CRAMP1: variants seen among roughly 807,000 people sequenced by gnomAD.
The protein encoded by CRAMP1 is cramped chromatin regulator 1.
A neutral mutation model predicts 115.4 loss-of-function variants in CRAMP1; 50 were observed. The ratio of observed to expected loss-of-function variants is 0.43; its 90% CI spans 0.35 to 0.55. CRAMP1 has a LOEUF of 0.55. Among genes scored for constraint, CRAMP1 ranks in the 20% least tolerant of loss-of-function variants. The pLI is 0.01. For missense variants in CRAMP1, 1,679 were observed against 1,721.7 expected, an observed-to-expected ratio of 0.98 and a Z score of 0.44; for synonymous variants, 866 against 745.4, an observed-to-expected ratio of 1.16 and a Z score of -2.64.
intron 6 of CRAMP1, among the ~76,000 whole-genome samples, chr16:1,641,647 A>T (rs1464653447): frequency 6.6e-6 from 1 of 151,788 alleles, no homozygotes; most frequent in Non-Finnish European, 1.5e-5. Flanking sequence ...CTCCCCTCAC[A>T]CACCTGACTC....
intron 6 of CRAMP1, 122 bp from the exon 7 acceptor site, chr16:1,652,374 A>G (rs2036731665): frequency 9.3e-6 from 7 of 749,922 alleles, no homozygotes; most frequent in Non-Finnish European, 1.5e-5. Flanking sequence ...CGGGCTCGAG[A>G]GGCTGGGGTG....
Position 1,656,302 on chromosome 16 carries a change from G to A in CRAMP1, c.1545G>A (p.Arg515=), listed in dbSNP as rs777765671. 1 of 1,611,948 alleles carries A rather than the reference G, an allele frequency of 6.2e-7. No individual in the cohort carries two copies. Among genetic ancestry groups the A allele is most frequent in the Non-Finnish European group, 8.5e-7 (1 of 1,179,614 alleles). ...ACGCTCCTGACAGGCCTCCTCCCAG[G>A]CACCAGGACACTGGGCCATGTCTTG... is the stretch of plus-strand genomic sequence containing the variant. The part of the protein sequence containing the change: ...SPDAPDRPPP[R]HQDTGPCLEK... The change falls in exon 10 of 21, where the codon AGG becomes AGA. Residue 515 remains arginine (R), a synonymous_variant. Transcript: ENST00000397412. The surrounding 1 kb of genome is among the most constrained non-coding windows in gnomAD (Gnocchi z 5.6).
At position 1,674,306 on chromosome 16, in the gene CRAMP1, G is replaced by T; in HGVS notation, c.*261G>T. 1 of 506,624 alleles carries T rather than the reference G, an allele frequency of 2.0e-6. No homozygotes were observed. Among genetic ancestry groups the T allele is most frequent in the East Asian group, 3.4e-5 (1 of 29,274 alleles). 31.4% of individuals were successfully genotyped at this position (506,624 alleles called of 1,614,324 possible). On this transcript the variant is annotated 3_prime_UTR_variant, in exon 21 of 21. Coordinates refer to ENST00000397412, the MANE Select transcript of CRAMP1 (RefSeq NM_020825.4). ...TTCACCACGCCTGGGCCCATGTTAG[G>T]GTCTGCATAATGATCCCATTTCAGC...
At chr16:1,668,610 CTGGCGCGACCCA>C (rs1411554917) in intron 18 of CRAMP1, among the ~76,000 whole-genome samples, 1 of 152,250 alleles carries the variant, frequency 6.6e-6, no homozygotes, top group Non-Finnish European at 1.5e-5. Context: ...TTGTTGTTCA[CTGGCGCGACCCA>C]GGCTGTGGGC....
intron 2 of CRAMP1, chr16:1,620,682 G>T (rs551481319): frequency 2.2e-6 from 1 of 456,728 alleles, no homozygotes; most frequent in South Asian, 1.5e-5. Flanking sequence ...TATTAGCCGC[G>T]TGCCTTTCGG....
intron 4 of CRAMP1, among the ~76,000 whole-genome samples, chr16:1,635,087 T>C (rs956878551): frequency 2.6e-5 from 4 of 152,062 alleles, no homozygotes; most frequent in African/African-American, 9.7e-5. Flanking sequence ...TTAGGAGAGA[T>C]GAGGTTTCAC....
At chr16:1,624,879 G>T (rs762274805) in intron 2 of CRAMP1, among the ~76,000 whole-genome samples, 5 of 152,050 alleles carry the variant, frequency 3.3e-5, no homozygotes, top group Non-Finnish European at 7.4e-5. Context: ...ACTGCACCTG[G>T]CCACGCCTGG....
intron 13 of CRAMP1, among the ~76,000 whole-genome samples, chr16:1,664,232 A>G (rs942707274): frequency 6.6e-6 from 1 of 152,214 alleles, no homozygotes; most frequent in African/African-American, 2.4e-5. Context: ...ACGGTTTCTC[A>G]GATGGTAGTC....
In CRAMP1 at chr16:1,674,312, C is replaced by A; in HGVS notation, c.*267C>A. ...ACGCCTGGGCCCATGTTAGGGTCTG[C>A]ATAATGATCCCATTTCAGCCTGTGC... On this transcript the variant is annotated 3_prime_UTR_variant, in exon 21 of 21. Coordinates refer to ENST00000397412, the MANE Select transcript of CRAMP1 (RefSeq NM_020825.4). 1 of 485,558 alleles carries A rather than the reference C, an allele frequency of 2.1e-6. No individual in the cohort carries two copies. Among genetic ancestry groups the A allele is most frequent in the East Asian group, 3.6e-5 (1 of 27,754 alleles). 30.1% of individuals were successfully genotyped at this position (485,558 alleles called of 1,614,324 possible). A position where few individuals can be genotyped will look rare whatever the true frequency, so the allele number is the denominator to read the frequency against.
chr16:1,653,776 G>A (rs1347655114), intron 8 of CRAMP1, among the ~76,000 whole-genome samples: 5 of 148,260 alleles, frequency 3.4e-5, no homozygotes, highest in African/African-American at 1.3e-4. Context: ...AGCCGAGATC[G>A]CGCCACTGCA....
At chr16:1,654,298 G>A (rs1480517679) in intron 8 of CRAMP1, among the ~76,000 whole-genome samples, 3 of 149,876 alleles carry the variant, frequency 2.0e-5, no homozygotes, top group African/African-American at 7.4e-5. Flanking sequence ...TGCAACCTCC[G>A]TCTCCCACGT....
At chr16:1,639,169 C>T (rs1268700060) in intron 5 of CRAMP1, among the ~76,000 whole-genome samples, 2 of 152,232 alleles carry the variant, frequency 1.3e-5, no homozygotes, top group East Asian at 3.9e-4. Context: ...GGTCCTTTTG[C>T]ACCACTGCTT....
At chr16:1,625,830 TG>T in intron 2 of CRAMP1, 142 bp from the exon 3 acceptor site, 1 of 755,754 alleles carries the variant, frequency 1.3e-6, no homozygotes. Context: ...CCGTGGGTCC[TG>T]GGTGCTGCCT....
chr16:1,669,019 C>G lies in CRAMP1; in HGVS notation c.3353C>G (p.Ser1118Cys). The change falls in exon 19 of 21, where the codon TCT becomes TGT. Residue 1118 changes from serine to cysteine, a missense_variant. Transcript: ENST00000397412. This position sits in a 1 kb window ranked among gnomAD's most constrained non-coding sequence, Gnocchi z 4.6. ...TTGGCAGGTGAAGGAGTCCCTCTTT[C>G]TCCAGCAAAACTGAATGGCAGTGAC... is the stretch of plus-strand genomic sequence containing the variant. ...SGQYGEGVPL[S>C]PAKLNGSDSS... The G allele has an allele frequency of 1.2e-6, 2 of 1,613,260 alleles. No homozygotes were observed. The highest frequency in any genetic ancestry group is 1.3e-5 in the African/African-American group (1 of 75,012).
intron 3 of CRAMP1, among the ~76,000 whole-genome samples, chr16:1,629,750 G>T (rs117147584): frequency 3.9e-5 from 6 of 152,150 alleles, no homozygotes; most frequent in African/African-American, 1.4e-4. Context: ...GTGCTGCTTC[G>T]CCTCTTTATG....
chr16:1,632,325 C>T lies in CRAMP1; in HGVS notation c.654C>T (p.Arg218=). The T allele has an allele frequency of 6.2e-7, 1 of 1,600,374 alleles. No homozygotes were observed. Among genetic ancestry groups the T allele is most frequent in the Non-Finnish European group, 8.5e-7 (1 of 1,173,898 alleles). Reference sequence around the variant, plus strand: ...AGCAGGTCCGCCACTTCTACTACCGCACCTGGCACAAGATCACCAAGTACA... The same window carrying T: ...AGCAGGTCCGCCACTTCTACTACCGTACCTGGCACAAGATCACCAAGTACA... ...NKEQVRHFYY[R]TWHKITKYID... Residue 218 remains arginine, a synonymous_variant, in exon 4 of 21, where the codon CGC becomes CGT. Transcript: ENST00000397412.
rs1411458141 is a variant in CRAMP1, at chr16:1,614,235, G to A, written c.-1-404G>A. 3.4e-5 allele frequency among the ~76,000 whole-genome samples: 5 copies of A among 147,582 alleles called. No homozygotes were observed. The highest frequency in any genetic ancestry group is 9.8e-5 in the African/African-American group (4 of 40,942). Reference sequence around the variant, plus strand: ...CCATGAGCCGCGGCCCCGCCGGGTAGGTGGCTGTGGGCGGGGCAGCGGCCC... The same window carrying A: ...CCATGAGCCGCGGCCCCGCCGGGTAAGTGGCTGTGGGCGGGGCAGCGGCCC... On this transcript the variant is annotated intron_variant, in intron 1 of 20. Transcript: ENST00000397412. The surrounding 1 kb of genome is among the most constrained non-coding windows in gnomAD (Gnocchi z 4.4).
chr16:1,642,766 T>A (rs1483443157), intron 6 of CRAMP1, among the ~76,000 whole-genome samples: 3 of 152,206 alleles, frequency 2.0e-5, no homozygotes, highest in African/African-American at 4.8e-5. Context: ...TTGGGGCAAA[T>A]CTTACTTCAC....
chr16:1,666,320 A>G lies in CRAMP1; in HGVS notation c.2858-102A>G, dbSNP rs1452122827. On this transcript the variant is annotated intron_variant, in intron 15 of 20. Coordinates refer to ENST00000397412, the MANE Select transcript of CRAMP1 (RefSeq NM_020825.4). The surrounding 1 kb of genome is among the most constrained non-coding windows in gnomAD (Gnocchi z 5.0). Reference sequence around the variant, plus strand: ...GAACATCTAAGCCCTTGGCTCTTGCATTGACATGAGGTGCGAGGGAGAAGC... The same window carrying G: ...GAACATCTAAGCCCTTGGCTCTTGCGTTGACATGAGGTGCGAGGGAGAAGC... 2 of 1,256,164 alleles carry G rather than the reference A, an allele frequency of 1.6e-6. No homozygotes were observed. Among genetic ancestry groups the G allele is most frequent in the African/African-American group, 1.5e-5 (1 of 66,980 alleles). The allele number at this position is 1,256,164 out of a possible 1,614,324, so 77.8% of individuals were successfully genotyped here.
Sources: gnomAD v4.1 joint callset for allele counts (sites outside exome capture counted in the v4.1 genomes callset) on GRCh38, gnomAD v4.1.1 for gene constraint, Gnocchi (gnomAD v3.1) non-coding constraint, MANE v1.5 for transcripts, NCBI Gene and HGNC (gene_info 2026-07-23, HGNC 2026-07-21) for gene names.